The following DSP variants were observed in gnomAD, a reference collection of about 807,000 sequenced individuals.
The protein encoded by DSP is 250/210 kDa paraneoplastic pemphigus antigen.
Under a neutral mutation model 290.6 loss-of-function variants are expected in DSP, and 114 were observed. The observed-to-expected ratio is 0.39, with a 90% CI of 0.34 to 0.46. DSP has a LOEUF of 0.46. Ranked by LOEUF, DSP falls within the 20% of genes least tolerant of loss-of-function variation. DSP has a pLI of 0.99. For missense variants in DSP, 3,230 were observed against 3,495.8 expected (o/e 0.92, Z 1.92); for synonymous variants, 1,311 against 1,316.4 (o/e 1.00, Z 0.09).
At position 7,581,561 on chromosome 6, in the gene DSP, G is replaced by A. The variant is rs2113696199; in HGVS notation, c.5371G>A (p.Ala1791Thr). ...RQEIEKFQKQ[A>T]LEASNRIQES... The stretch of plus-strand genomic sequence containing the variant: ...GGAAATTGAGAAATTCCAAAAGCAG[G>A]CTTTAGAGGTATTCACAAATACTTG... Residue 1791 changes from alanine (A) to threonine (T), a missense_variant, in exon 23 of 24, where the codon GCT becomes ACT. Ala to Thr is a moderately conservative substitution (Grantham distance 58, BLOSUM62 0). Transcript: ENST00000379802. The A allele has an allele frequency of 1.9e-6, 3 of 1,613,176 alleles. No individual in the cohort carries two copies. Among genetic ancestry groups the A allele is most frequent in the East Asian group, 2.2e-5 (1 of 44,880 alleles).
At position 7,582,949 on chromosome 6, in the gene DSP, G is replaced by T; in HGVS notation, c.5687G>T (p.Arg1896Met). 6.2e-7 allele frequency: 1 copy of T among 1,614,058 alleles called. No individual in the cohort carries two copies. The highest frequency in any genetic ancestry group is 8.5e-7 in the Non-Finnish European group (1 of 1,180,018). The change falls in exon 24 of 24, where the codon AGG becomes ATG. Residue 1896 changes from arginine (R) to methionine (M), a missense_variant. Physicochemically the swap from Arg to Met is moderately conservative, Grantham distance 91. This residue lies in a region of DSP where 1,714 missense variants were observed against 1,844.5 expected (regional missense o/e 0.93). Coordinates refer to ENST00000379802, the MANE Select transcript of DSP (RefSeq NM_004415.4). The surrounding 1 kb of genome is among the most constrained non-coding windows in gnomAD (Gnocchi z 4.2). ...AGTGAGAGAGAGAAGAACAGTCTTA[G>T]GAGTGAGATCGAAAGACTCCAAGCA... ...EKSEREKNSL[R>M]SEIERLQAEI...
intron 1 of DSP, among the ~76,000 whole-genome samples, chr6:7,552,855 G>T (rs931055590): frequency 2.0e-5 from 3 of 152,064 alleles, no homozygotes; most frequent in Non-Finnish European, 2.9e-5. Flanking sequence ...CTTTATCCTG[G>T]ATGTAATTCG....
At chr6:7,545,958 A>G (rs533223340) in intron 1 of DSP, among the ~76,000 whole-genome samples, 1 of 152,314 alleles carries the variant, frequency 6.6e-6, no homozygotes, top group African/African-American at 2.4e-5. Flanking sequence ...TGACCAAGGC[A>G]TTGGAGACCT....
At chr6:7,569,463 A>G in intron 12 of DSP, 123 bp downstream of exon 12, 2 of 1,435,610 alleles carry the variant, frequency 1.4e-6, no homozygotes, top group Middle Eastern at 2.4e-4. Context: ...CACCTTCTAA[A>G]AAAAGGAACC....
In DSP at chr6:7,559,334, C is replaced by G. The variant is rs138865799; in HGVS notation, c.531C>G (p.Gly177=). 5.8e-5 allele frequency: 94 copies of G among 1,613,724 alleles called. No individual in the cohort carries two copies. The African/African-American group carries it at 1.1e-3, about 19-fold the overall frequency. The change falls in exon 4 of 24, where the codon GGC becomes GGG. Residue 177 remains glycine (G), a synonymous_variant. Transcript: ENST00000379802. The part of the protein sequence containing the change: ...KGGGGYTCQS[G]SGWDEFTKHV... ...GTGGAGGCTACACTTGTCAGAGTGG[C>G]TCTGGCTGGGATGAGTTCACCAAAC...
intron 1 of DSP, among the ~76,000 whole-genome samples, chr6:7,542,300 G>T (rs540795210): frequency 4.6e-5 from 7 of 152,100 alleles, no homozygotes; most frequent in Admixed American, 1.3e-4. Context: ...GGACTCGGTC[G>T]TACCTTTCTC....
intron 19 of DSP, 50 bp downstream of exon 19, chr6:7,576,506 A>G: frequency 6.2e-7 from 1 of 1,608,612 alleles, no homozygotes. Context: ...AATTGGGTGT[A>G]ATTCATGTTT....
chr6:7,545,385 C>T (rs778538376), intron 1 of DSP, among the ~76,000 whole-genome samples: 5 of 152,180 alleles, frequency 3.3e-5, no homozygotes, highest in African/African-American at 7.2e-5. Context: ...AAGCTGAGGA[C>T]GTGCCGAAGA....
At chr6:7,561,805 C>T (rs1052926097) in intron 4 of DSP, among the ~76,000 whole-genome samples, 1 of 152,132 alleles carries the variant, frequency 6.6e-6, no homozygotes, top group Admixed American at 6.5e-5. Flanking sequence ...TTGCTGCAAT[C>T]CCAGATTGGA....
intron 20 of DSP, 108 bp from the exon 21 acceptor site, chr6:7,577,670 TG>T: frequency 1.1e-6 from 1 of 908,580 alleles, no homozygotes; most frequent in Non-Finnish European, 1.8e-6. Flanking sequence ...GTCTTTGGAG[TG>T]GGCAATTAGA....
At position 7,581,313 on chromosome 6, in the gene DSP, C is replaced by G. The variant is rs372452104; in HGVS notation, c.5123C>G (p.Ser1708Cys). The change falls in exon 23 of 24, where the codon TCT (serine) becomes TGT (cysteine). Residue 1708 changes from serine to cysteine, a missense_variant. Coordinates refer to ENST00000379802, the MANE Select transcript of DSP (RefSeq NM_004415.4). ...ESKIEIERLQSLTENLTKEHL... is the reference protein window; with the variant it reads ...ESKIEIERLQCLTENLTKEHL... Reference sequence around the variant, plus strand: ...AAAATAGAAATTGAGAGGCTGCAGTCTCTCACAGAGAACCTGACCAAGGAG... The same window carrying G: ...AAAATAGAAATTGAGAGGCTGCAGTGTCTCACAGAGAACCTGACCAAGGAG... 3 of 1,614,084 alleles carry G rather than the reference C, an allele frequency of 1.9e-6. No homozygotes were observed. The highest frequency in any genetic ancestry group is 2.7e-5 in the African/African-American group (2 of 74,938).
At chr6:7,549,043 G>T (rs901345126) in intron 1 of DSP, among the ~76,000 whole-genome samples, 23 of 152,218 alleles carry the variant, frequency 1.5e-4, no homozygotes, top group African/African-American at 4.8e-4. Flanking sequence ...GGATGCAGAG[G>T]TGTGATATGG....
At position 7,581,436 on chromosome 6, in the gene DSP, T is replaced by C. The variant is rs1173146401; in HGVS notation, c.5246T>C (p.Ile1749Thr). The change falls in exon 23 of 24, where the codon ATC becomes ACC. Residue 1749 changes from isoleucine to threonine, a missense_variant. By Grantham distance (89) the Ile-to-Thr change is moderately conservative. Around this residue, in one of 5 missense-constraint regions of DSP, gnomAD observed 1,714 missense variants for 1,844.5 expected, o/e 0.93. Transcript: ENST00000379802. ...GCGGACAGTGATAAAAATGCAACCA[T>C]CTTGGAACTAAGGAGCCAGCTGCAG... ...SEADSDKNAT[I>T]LELRSQLQIS... 1 of 1,612,750 alleles carries C rather than the reference T, an allele frequency of 6.2e-7. No individual in the cohort carries two copies. Among genetic ancestry groups the C allele is most frequent in the Admixed American group, 1.7e-5 (1 of 59,760 alleles).
In DSP at chr6:7,567,874, C is replaced by T. The variant is rs1758912749; in HGVS notation, c.1234C>T (p.Gln412Ter). The T allele has an allele frequency of 6.2e-7, 1 of 1,613,986 alleles. No homozygotes were observed. Among genetic ancestry groups the T allele is most frequent in the Non-Finnish European group, 8.5e-7 (1 of 1,179,938 alleles). ...KYPCDKNMPL[Q>*]HLLEQIKELE... ...CCCCTGCGACAAGAACATGCCCCTG[C>T]AGCACCTGCTGGAACAGATCAAGGA... is the stretch of plus-strand genomic sequence containing the variant. Residue 412 changes from glutamine (Q) to a stop codon, truncating the protein, a stop_gained, in exon 10 of 24, where the codon CAG becomes TAG. Coordinates refer to ENST00000379802, the MANE Select transcript of DSP (RefSeq NM_004415.4). LOFTEE classifies it high-confidence loss of function.
chr6:7,557,417 C>T (rs1160364354), intron 2 of DSP, among the ~76,000 whole-genome samples: 3 of 152,244 alleles, frequency 2.0e-5, no homozygotes, highest in South Asian at 2.1e-4. Context: ...TGGTGGCTCA[C>T]GCTTGTAATC....
chr6:7,576,845 T>C (rs1209981977), intron 19 of DSP, 114 bp from the exon 20 acceptor site: 1 of 921,338 alleles, frequency 1.1e-6, no homozygotes, highest in East Asian at 2.6e-5. Flanking sequence ...GACAAGTACA[T>C]GTAGTAATAA....
chr6:7,559,011 A>G (rs1272774148), intron 3 of DSP, among the ~76,000 whole-genome samples: 7 of 152,140 alleles, frequency 4.6e-5, no homozygotes, highest in Non-Finnish European at 7.4e-5. Flanking sequence ...GACGCTTTCT[A>G]TGCTGTTACG....
At chr6:7,575,225 G>C (rs1581810204) in intron 17 of DSP, 70 bp from the exon 18 acceptor site, 1 of 1,518,470 alleles carries the variant, frequency 6.6e-7, no homozygotes, top group African/African-American at 1.4e-5. Context: ...CGCCCAATTT[G>C]GTGACTTGTA....
Position 7,541,689 on chromosome 6 carries a change from C to T in DSP, c.-227C>T, listed in dbSNP as rs1757975248. ...CGCAGCTCCTCTGCGCCCTTGCCGC[C>T]CTCCGAGCCACAGCTTTCCTCCCGC... On this transcript the variant is annotated 5_prime_UTR_variant, in exon 1 of 24. Coordinates refer to ENST00000379802, the MANE Select transcript of DSP (RefSeq NM_004415.4). 1.7e-6 allele frequency: 1 copy of T among 575,424 alleles called. No homozygotes were observed. Among genetic ancestry groups the T allele is most frequent in the South Asian group, 2.2e-5 (1 of 44,500 alleles). The allele number at this position is 575,424 out of a possible 1,614,324, so 35.6% of individuals were successfully genotyped here.
Sources: gnomAD v4.1 joint callset for allele counts (sites outside exome capture counted in the v4.1 genomes callset) on GRCh38, gnomAD v4.1.1 for gene constraint, gnomAD v4.1.1 regional missense constraint, Gnocchi (gnomAD v3.1) non-coding constraint, MANE v1.5 for transcripts, NCBI Gene and HGNC (gene_info 2026-07-23, HGNC 2026-07-21) for gene names.